The following CFAP92 variants were observed in gnomAD, a reference collection of about 807,000 sequenced individuals.
CFAP92 encodes uncharacterized protein CFAP92.
In CFAP92, 86 loss-of-function variants were observed where a neutral mutation model predicts 106.3. The observed-to-expected ratio is 0.81, with a 90% confidence interval of 0.68 to 0.97. The LOEUF is 0.97. Ranked by LOEUF, CFAP92 falls within the 50% of genes least tolerant of loss-of-function variation. The pLI is 0.00. For synonymous variants in CFAP92, 477 were observed against 506.4 expected, an observed-to-expected ratio of 0.94 and a Z score of 0.78; for missense variants, 1,204 against 1,283.8, an observed-to-expected ratio of 0.94 and a Z score of 0.95.
upstream of CFAP92, chr3:129,003,761 T>C: frequency 7.3e-7 from 1 of 1,366,958 alleles, no homozygotes; most frequent in Non-Finnish European, 9.4e-7. Flanking sequence ...GCTGGGGCAC[T>C]TACCCCCTGC....
upstream of CFAP92, among the ~76,000 whole-genome samples, chr3:128,998,667 G>C (rs1944571471): frequency 6.6e-6 from 1 of 152,202 alleles, no homozygotes; most frequent in Admixed American, 6.5e-5. Flanking sequence ...CCACCTCAGT[G>C]GGCATCTGTG....
rs1488897283 is a variant in CFAP92, at chr3:128,949,731, GGCTGGAGT to G, written c.1354-3764_1354-3757del. On this transcript the variant is annotated intron_variant, in intron 9 of 15. Coordinates refer to ENST00000645291, the MANE Select transcript of CFAP92 (RefSeq NM_001394090.1). ...GACAGAGTTTCTCTCTCATAGCCCA[GGCTGGAGT>G]GCAATGGCGCGATCTTGGCTCACGG... 8.5e-5 allele frequency among the ~76,000 whole-genome samples: 13 copies of G among 152,312 alleles called. No homozygotes were observed. In the East Asian group the frequency reaches 1.9e-3, roughly 23 times the overall value.
chr3:128,973,172 G>A (rs1026457235), intron 7 of CFAP92, among the ~76,000 whole-genome samples: 5 of 152,332 alleles, frequency 3.3e-5, no homozygotes, highest in African/African-American at 1.2e-4. Flanking sequence ...CACAAAGCTG[G>A]CAGATCAGTA....
In CFAP92 at chr3:128,934,616, T is replaced by C. The variant is rs1938779752; in HGVS notation, c.2453+509A>G. ...CTCGGTCTCAGCTCACTGCAATCTCTGCCTTCCAGGTTCAAGAGATTCTCC... is the reference window on the plus strand; with the variant it reads ...CTCGGTCTCAGCTCACTGCAATCTCCGCCTTCCAGGTTCAAGAGATTCTCC... On this transcript the variant is annotated intron_variant, in intron 11 of 15. Coordinates refer to ENST00000645291, the MANE Select transcript of CFAP92 (RefSeq NM_001394090.1). Among the ~76,000 whole-genome samples the C allele has an allele frequency of 2.0e-5, 3 of 151,808 alleles. 1 individual carries two copies. The highest frequency in any genetic ancestry group is 4.2e-4 in the South Asian group (2 of 4,808).
chr3:128,964,241 C>G (rs1178385000), intron 9 of CFAP92, among the ~76,000 whole-genome samples: 1 of 152,220 alleles, frequency 6.6e-6, no homozygotes, highest in Non-Finnish European at 1.5e-5. Context: ...CCAAGCTCAG[C>G]CACCAACTTA....
At chr3:128,927,715 C>G (rs111740825) in intron 12 of CFAP92, among the ~76,000 whole-genome samples, 121 of 141,348 alleles carry the variant, frequency 8.6e-4, no homozygotes, top group Non-Finnish European at 1.5e-3. Flanking sequence ...CTGAGCAAGA[C>G]TCTGTCTCAA....
chr3:128,935,632 A>T (rs1433114628), intron 10 of CFAP92, among the ~76,000 whole-genome samples: 1 of 152,178 alleles, frequency 6.6e-6, no homozygotes, highest in Non-Finnish European at 1.5e-5. Context: ...GAATCACTTG[A>T]ACCTAGGAGG....
intron 12 of CFAP92, among the ~76,000 whole-genome samples, chr3:128,932,421 G>A (rs2107705339): frequency 6.8e-6 from 1 of 146,792 alleles, no homozygotes; most frequent in Middle Eastern, 3.4e-3. Context: ...TCTCTACAAT[G>A]AACTCTGGGA....
upstream of CFAP92, chr3:128,994,230 G>T: frequency 1.3e-6 from 1 of 796,466 alleles, no homozygotes; most frequent in Non-Finnish European, 1.5e-6. Flanking sequence ...TTGTCAAATG[G>T]CTACATCCAG....
At chr3:129,002,221 A>C in intron 1 of CFAP92, 1 of 1,528,768 alleles carries the variant, frequency 6.5e-7, no homozygotes, top group Non-Finnish European at 8.7e-7. Flanking sequence ...CCTGACTGTG[A>C]GCGCGTTGCG....
intron 15 of CFAP92, chr3:128,913,074 T>C: frequency 2.2e-6 from 1 of 453,982 alleles, no homozygotes; most frequent in Non-Finnish European, 4.4e-6. Context: ...CCAGGAACCA[T>C]TTAACAAAGA....
chr3:129,021,524 A>G, the CFAP92 span, among the ~76,000 whole-genome samples: 1 of 152,190 alleles, frequency 6.6e-6, no homozygotes, highest in African/African-American at 2.4e-5. Context: ...TGGTGAGACT[A>G]GATCATGCCA....
At chr3:129,003,707 G>A (rs979675276), upstream of CFAP92, 10 of 1,211,270 alleles carry the variant, frequency 8.3e-6, no homozygotes, top group South Asian at 1.7e-4. Context: ...TGGGTGCAGA[G>A]GCATGGGGCC....
chr3:128,994,099 G>T (rs1403723240), upstream of CFAP92: 1 of 985,716 alleles, frequency 1.0e-6, no homozygotes. Context: ...CGCCGGTGCA[G>T]GGAGGGCCGC....
chr3:129,014,344 A>T, the CFAP92 span, among the ~76,000 whole-genome samples: 2 of 152,222 alleles, frequency 1.3e-5, no homozygotes, highest in Non-Finnish European at 2.9e-5. This position sits in a 1 kb window ranked among gnomAD's most constrained non-coding sequence, Gnocchi z 4.3. Flanking sequence ...AACAACAGGC[A>T]TTTGTCTCCC....
intron 9 of CFAP92, among the ~76,000 whole-genome samples, chr3:128,953,534 G>A (rs1486242134): frequency 7.2e-6 from 1 of 139,314 alleles, no homozygotes; most frequent in South Asian, 2.6e-4. Context: ...AAAAGAAAGA[G>A]GGATAATCAC....
At chr3:128,924,229 C>T (rs1384321594) in intron 12 of CFAP92, among the ~76,000 whole-genome samples, 4 of 152,010 alleles carry the variant, frequency 2.6e-5, no homozygotes, top group East Asian at 1.9e-4. Flanking sequence ...CAAAACCCCT[C>T]ATGGCCTTTG....
chr3:128,935,312 T>C lies in CFAP92; in HGVS notation c.2266A>G (p.Arg756Gly). ...LWENHQSWIP[R>G]SEHRKYKVLY... ...ACCTTGTATTTCCTGTGTTCTGACC[T>C]GGGAATCCTGCAAGAGACAGAAGGC... The change falls in exon 11 of 16, where the codon AGG (arginine) becomes GGG (glycine). Residue 756 changes from arginine to glycine, a missense_variant. Transcript: ENST00000645291. The C allele has an allele frequency of 2.0e-6, 3 of 1,504,486 alleles. No individual in the cohort carries two copies. The highest frequency in any genetic ancestry group is 2.5e-5 in the South Asian group (2 of 80,842). The allele number at this position is 1,504,486 out of a possible 1,614,324, so 93.2% of individuals were successfully genotyped here.
chr3:128,996,423 C>G (rs1224505099), upstream of CFAP92, among the ~76,000 whole-genome samples: 6 of 152,112 alleles, frequency 3.9e-5, no homozygotes. Flanking sequence ...ATTGCACAAC[C>G]AGAATATGGA....
Sources: gnomAD v4.1 joint callset for allele counts (sites outside exome capture counted in the v4.1 genomes callset) on GRCh38, gnomAD v4.1.1 for gene constraint, Gnocchi (gnomAD v3.1) non-coding constraint, MANE v1.5 for transcripts, NCBI Gene and HGNC (gene_info 2026-07-23, HGNC 2026-07-21) for gene names.